Variants in CTPS1 observed in about 807,000 individuals in gnomAD.
The protein encoded by CTPS1 is CTP synthetase 1.
A neutral mutation model predicts 80.5 loss-of-function variants in CTPS1; 25 were observed. The ratio of observed to expected loss-of-function variants is 0.31; its 90% confidence interval spans 0.23 to 0.43. The LOEUF is 0.43. Among genes scored for constraint, CTPS1 ranks in the 20% least tolerant of loss-of-function variants. The pLI is 1.00. For synonymous variants in CTPS1, 267 were observed against 252.5 expected (o/e 1.06, Z -0.54); for missense variants, 442 against 725.7 (o/e 0.61, Z 4.49).
chr1:40,996,563 T>C (rs1212694037), intron 8 of CTPS1, among the ~76,000 whole-genome samples: 1 of 152,192 alleles, frequency 6.6e-6, no homozygotes, highest in Admixed American at 6.5e-5. Context: ...GCTGTCACAT[T>C]CCTTCAGAAA....
At chr1:41,000,215 ATGTTT>A (rs113751290) in intron 9 of CTPS1, among the ~76,000 whole-genome samples, 87,997 of 147,204 alleles carry the variant, frequency 0.6, 27,088 homozygotes, top group East Asian at 0.73. Flanking sequence ...ATGGTAACTT[ATGTTT>A]TGTTTTGTTT....
intron 11 of CTPS1, 98 bp downstream of exon 11, chr1:41,002,352 A>G: frequency 1.1e-6 from 1 of 947,274 alleles, no homozygotes; most frequent in South Asian, 1.3e-5. Flanking sequence ...GATTACTGAA[A>G]CATGCTGTCT....
chr1:40,990,115 T>C (rs1642566120), intron 5 of CTPS1, among the ~76,000 whole-genome samples: 1 of 152,182 alleles, frequency 6.6e-6, no homozygotes, highest in African/African-American at 2.4e-5. Context: ...AATACAGCTG[T>C]GTCTGCTTGT....
At chr1:41,010,648 G>A (rs1237765082) in intron 18 of CTPS1, among the ~76,000 whole-genome samples, 1 of 152,112 alleles carries the variant, frequency 6.6e-6, no homozygotes, top group African/African-American at 2.4e-5. Context: ...TTGAAGGAAG[G>A]GACAGATACA....
In CTPS1 at chr1:41,003,187, A is replaced by C. The variant is rs1642949638; in HGVS notation, c.1252+11A>C. 4.3e-6 allele frequency: 7 copies of C among 1,613,912 alleles called. No individual in the cohort carries two copies. Among genetic ancestry groups the C allele is most frequent in the Admixed American group, 1.7e-5 (1 of 60,006 alleles). ...TGCTGGGATGGCAAGGTAAGCGTGC[A>C]TTAAGACACTCATTCAATTCCCGCT... On this transcript the variant is annotated intron_variant, in intron 12 of 18. Coordinates refer to ENST00000650070, the MANE Select transcript of CTPS1 (RefSeq NM_001905.4).
intron 1 of CTPS1, chr1:40,980,469 G>T (rs1360834225): frequency 6.6e-6 from 1 of 152,206 alleles, no homozygotes; most frequent in Non-Finnish European, 1.5e-5. Context: ...CCACGTTTGC[G>T]TGGCGCCCTT....
intron 12 of CTPS1, among the ~76,000 whole-genome samples, chr1:41,003,518 T>C (rs1189088021): frequency 6.6e-6 from 1 of 152,208 alleles, no homozygotes; most frequent in African/African-American, 2.4e-5. Flanking sequence ...TATGAGAACC[T>C]GGGCTCTGGA....
At chr1:40,989,909 A>G (rs1642557555) in intron 5 of CTPS1, among the ~76,000 whole-genome samples, 1 of 152,224 alleles carries the variant, frequency 6.6e-6, no homozygotes, top group Non-Finnish European at 1.5e-5. Flanking sequence ...TACAGCAAAA[A>G]GACCAAGAGA....
chr1:40,989,038 C>T (rs1314195631), intron 5 of CTPS1, among the ~76,000 whole-genome samples: 3 of 152,040 alleles, frequency 2.0e-5, no homozygotes, highest in Non-Finnish European at 4.4e-5. Context: ...AATTGGGAAG[C>T]CGGAAAGCAG....
At chr1:41,008,929 TA>T in intron 16 of CTPS1, 39 bp downstream of exon 16, 1 of 1,489,774 alleles carries the variant, frequency 6.7e-7, no homozygotes, top group Non-Finnish European at 9.4e-7. Flanking sequence ...GAAAACTTAG[TA>T]AAGTTTTCTT....
At chr1:40,989,411 C>T (rs1005833693) in intron 5 of CTPS1, among the ~76,000 whole-genome samples, 2 of 152,148 alleles carry the variant, frequency 1.3e-5, no homozygotes, top group African/African-American at 4.8e-5. Flanking sequence ...CCATTTGGTT[C>T]CCAGAATCAT....
At chr1:41,009,629 C>G in intron 17 of CTPS1, 40 bp downstream of exon 17, 1 of 1,611,528 alleles carries the variant, frequency 6.2e-7, no homozygotes, top group Non-Finnish European at 8.5e-7. Flanking sequence ...TTAGTCTTCT[C>G]TAGTCCTTTA....
Position 40,988,006 on chromosome 1 carries a change from G to T in CTPS1, c.438+534G>T, listed in dbSNP as rs553931421. Reference sequence around the variant, plus strand: ...TGGCTCACTGCAACCTTGACCTCCTGGGCTCAAGCAGTTCTCCTACCTTAG... The same window carrying T: ...TGGCTCACTGCAACCTTGACCTCCTTGGCTCAAGCAGTTCTCCTACCTTAG... On this transcript the variant is annotated intron_variant, in intron 4 of 18. Transcript: ENST00000650070. Among the ~76,000 whole-genome samples, 14 of 152,168 alleles carry T rather than the reference G, an allele frequency of 9.2e-5. No individual in the cohort carries two copies. In the East Asian group the frequency reaches 1.2e-3, roughly 13 times the overall value.
At chr1:40,998,428 A>G (rs1642816385) in intron 9 of CTPS1, among the ~76,000 whole-genome samples, 1 of 144,394 alleles carries the variant, frequency 6.9e-6, no homozygotes, top group Non-Finnish European at 1.5e-5. Flanking sequence ...AAAAACATGG[A>G]TGCCTGAGCC....
intron 8 of CTPS1, among the ~76,000 whole-genome samples, chr1:40,996,972 G>A (rs941650885): frequency 1.3e-5 from 2 of 151,762 alleles, no homozygotes; most frequent in Non-Finnish European, 2.9e-5. Context: ...TGTGTGAGAC[G>A]TTGAAACTCT....
Position 40,984,879 on chromosome 1 carries a change from G to A in CTPS1, c.225G>A (p.Glu75=). The A allele has an allele frequency of 1.2e-6, 2 of 1,603,216 alleles. No individual in the cohort carries two copies. Among genetic ancestry groups the A allele is most frequent in the African/African-American group, 2.7e-5 (2 of 74,884 alleles). The change falls in exon 3 of 19, where the codon GAG becomes GAA. Residue 75 remains glutamate, a synonymous_variant. Transcript: ENST00000650070. ...TAGACCTTGACCTGGGTAACTATGA[G>A]CGGTTCCTTGACATCCGCCTCACCA... is the stretch of plus-strand genomic sequence containing the variant. ...GEVDLDLGNY[E]RFLDIRLTKD... is the part of the protein sequence containing the mutation.
intron 7 of CTPS1, among the ~76,000 whole-genome samples, chr1:40,995,541 C>G (rs1323073708): frequency 6.6e-6 from 1 of 152,102 alleles, no homozygotes; most frequent in Non-Finnish European, 1.5e-5. Context: ...AGACTACATG[C>G]ACATGCCCAC....
At chr1:40,996,104 C>T in intron 8 of CTPS1, 36 bp downstream of exon 8, 1 of 1,612,822 alleles carries the variant, frequency 6.2e-7, no homozygotes, top group South Asian at 1.1e-5. Context: ...GTGCTAGCCT[C>T]CTTTACTCTT....
intron 5 of CTPS1, among the ~76,000 whole-genome samples, chr1:40,990,727 G>C (rs779551861): frequency 2.6e-5 from 4 of 152,160 alleles, no homozygotes; most frequent in Non-Finnish European, 5.9e-5. Flanking sequence ...ATTTAGTACA[G>C]AAAGGAAAAG....
Sources: allele counts gnomAD v4.1 joint callset (sites outside exome capture counted in the v4.1 genomes callset), GRCh38; gene constraint gnomAD v4.1.1; transcripts MANE v1.5; gene names NCBI Gene and HGNC (gene_info 2026-07-23, HGNC 2026-07-21).